The following AP3B2 variants were observed in gnomAD, a reference collection of about 807,000 sequenced individuals.
The protein encoded by AP3B2 is adaptor related protein complex 3 subunit beta 2.
A neutral mutation model predicts 126.9 loss-of-function variants in AP3B2; 50 were observed. The observed-to-expected ratio is 0.39, with a 90% CI of 0.31 to 0.50. The LOEUF (loss-of-function observed/expected upper bound fraction) is 0.50, where lower values mean the gene tolerates loss of function less well. AP3B2 is among the 20% of genes least tolerant of loss of function. The probability of loss-of-function intolerance (pLI) is 0.79; values close to 1 mark genes in which losing one functional copy is unlikely to be tolerated. For missense variants in AP3B2, 1,177 were observed against 1,426.4 expected (o/e 0.83, Z 2.82); for synonymous variants, 541 against 565.0 (o/e 0.96, Z 0.60).
intron 1 of AP3B2, among the ~76,000 whole-genome samples, chr15:82,703,984 C>A (rs1208258704): frequency 6.6e-6 from 1 of 152,192 alleles, no homozygotes; most frequent in Non-Finnish European, 1.5e-5. Flanking sequence ...TCTCCCCACA[C>A]CCAGTCCGGC....
At chr15:82,685,369 G>T (rs1046096249) in intron 4 of AP3B2, 1 of 152,156 alleles carries the variant, frequency 6.6e-6, no homozygotes, top group Non-Finnish European at 1.5e-5. Context: ...ATACAATGAG[G>T]TGTGCCTGTA....
chr15:82,680,360 G>A lies in AP3B2; in HGVS notation c.1055+112C>T. On this transcript the variant is annotated intron_variant, in intron 8 of 26. Coordinates refer to ENST00000535359, the MANE Select transcript of AP3B2 (RefSeq NM_001278512.2). This position sits in a 1 kb window ranked among gnomAD's most constrained non-coding sequence, Gnocchi z 6.1. Reference sequence around the variant, plus strand: ...GGAGGGCAGGACTACGGTCAGTGTGGAGCGGGTGGGCAGAGGTGGAAGCGG... The same window carrying A: ...GGAGGGCAGGACTACGGTCAGTGTGAAGCGGGTGGGCAGAGGTGGAAGCGG... 6.7e-7 allele frequency: 1 copy of A among 1,490,408 alleles called. No individual in the cohort carries two copies. Among genetic ancestry groups the A allele is most frequent in the Non-Finnish European group, 9.0e-7 (1 of 1,109,148 alleles). 92.3% of individuals were successfully genotyped at this position (1,490,408 alleles called of 1,614,324 possible). A position where few individuals can be genotyped will look rare whatever the true frequency, so the allele number is the denominator to read the frequency against.
intron 1 of AP3B2, chr15:82,699,310 G>A: frequency 4.9e-6 from 1 of 203,838 alleles, no homozygotes; most frequent in East Asian, 1.1e-4. Context: ...GCTGTATCCT[G>A]TCCCCAAACC....
At chr15:82,679,249 G>C (rs934913797) in intron 10 of AP3B2, among the ~76,000 whole-genome samples, 2 of 152,114 alleles carry the variant, frequency 1.3e-5, no homozygotes, top group African/African-American at 2.4e-5. Context: ...TCAGCCTCTC[G>C]AGTAGCTGGG....
intron 1 of AP3B2, among the ~76,000 whole-genome samples, chr15:82,695,801 T>C (rs1469667124): frequency 6.6e-6 from 1 of 152,204 alleles, no homozygotes; most frequent in Non-Finnish European, 1.5e-5. Flanking sequence ...ACTTACCACT[T>C]GGAATTGGCA....
At chr15:82,676,801 GTAGACATTTCC>G (rs969831727) in intron 13 of AP3B2, among the ~76,000 whole-genome samples, 164 bp from the exon 14 acceptor site, 17 of 152,266 alleles carry the variant, frequency 1.1e-4, no homozygotes, top group African/African-American at 4.1e-4. Context: ...AGGTTAAAAG[GTAGACATTTCC>G]TAGACAGCAT....
intron 14 of AP3B2, among the ~76,000 whole-genome samples, chr15:82,674,158 A>G (rs1177122672): frequency 6.6e-6 from 1 of 152,162 alleles, no homozygotes; most frequent in Non-Finnish European, 1.5e-5. Flanking sequence ...CCCATGTCCA[A>G]ATTGGAGAGA....
chr15:82,691,654 A>T (rs1424637949), intron 1 of AP3B2: 4 of 1,172,426 alleles, frequency 3.4e-6, no homozygotes, highest in African/African-American at 1.6e-5. Context: ...CTCAATCTGG[A>T]ATGCAGATTC....
intron 21 of AP3B2, 109 bp downstream of exon 21, chr15:82,663,450 TC>T: frequency 7.9e-7 from 1 of 1,273,844 alleles, no homozygotes; most frequent in Non-Finnish European, 1.1e-6. Flanking sequence ...TTCTGTCTGC[TC>T]CCCTGCTCCC....
At position 82,709,806 on chromosome 15, in the gene AP3B2, A is replaced by AGGC. The variant is rs546558894; in HGVS notation, c.-103_-101dup. 6.5e-3 allele frequency: 6,144 copies of AGGC among 950,112 alleles called. 42 individuals are homozygous for AGGC. The highest frequency in any genetic ancestry group is 6.2e-3 in the Non-Finnish European group (4,291 of 692,932). 58.9% of individuals were successfully genotyped at this position (950,112 alleles called of 1,614,324 possible). Reference sequence around the variant, plus strand: ...GGGCCGGTCCGGTCCGGGCTGGCGAAGGCGGCGGCGCGGCAGGGGTTCAGC... The same window carrying AGGC: ...GGGCCGGTCCGGTCCGGGCTGGCGAAGGCGGCGGCGGCGCGGCAGGGGTTCAGC... On this transcript the variant is annotated 5_prime_UTR_variant, in exon 1 of 27. Coordinates refer to ENST00000535359, the MANE Select transcript of AP3B2 (RefSeq NM_001278512.2).
chr15:82,674,846 A>G (rs2048218421), intron 14 of AP3B2, among the ~76,000 whole-genome samples: 1 of 148,072 alleles, frequency 6.8e-6, no homozygotes, highest in African/African-American at 2.5e-5. Context: ...CCACCTACAT[A>G]TATGTTAAAT....
intron 1 of AP3B2, among the ~76,000 whole-genome samples, chr15:82,701,460 A>G: frequency 6.6e-6 from 1 of 152,230 alleles, no homozygotes; most frequent in East Asian, 1.9e-4. Flanking sequence ...ACTTCCTTGA[A>G]CTGAGTGAGG....
intron 1 of AP3B2, among the ~76,000 whole-genome samples, chr15:82,691,077 C>T (rs1458276409): frequency 1.3e-5 from 2 of 152,134 alleles, no homozygotes; most frequent in African/African-American, 4.8e-5. Context: ...CATACGTGTG[C>T]ATGTGTCTTT....
At chr15:82,692,060 ATCT>A (rs1420921112) in intron 1 of AP3B2, 22 of 1,489,514 alleles carry the variant, frequency 1.5e-5, no homozygotes, top group Non-Finnish European at 1.9e-5. Flanking sequence ...CGGAAATCAG[ATCT>A]TCTTGCAGAA....
chr15:82,703,752 C>T (rs2048756187), intron 1 of AP3B2, among the ~76,000 whole-genome samples: 1 of 152,090 alleles, frequency 6.6e-6, no homozygotes, highest in Non-Finnish European at 1.5e-5. Flanking sequence ...CCCAATGCGA[C>T]TCATCCCAAA....
At position 82,665,703 on chromosome 15, in the gene AP3B2, G is replaced by T; in HGVS notation, c.1853-128C>A. On this transcript the variant is annotated intron_variant, in intron 15 of 26. Transcript: ENST00000535359. The surrounding 1 kb of genome is among the most constrained non-coding windows in gnomAD (Gnocchi z 4.4). ...AGGTGGGTAGGGGAAGGAGATGGAT[G>T]TGTGCCCTAATGGCTCTTCCACCCT... 1 of 692,698 alleles carries T rather than the reference G, an allele frequency of 1.4e-6. No individual in the cohort carries two copies. Among genetic ancestry groups the T allele is most frequent in the Non-Finnish European group, 2.5e-6 (1 of 395,944 alleles). 42.9% of individuals were successfully genotyped at this position (692,698 alleles called of 1,614,324 possible).
At chr15:82,671,698 G>A (rs867008948) in intron 14 of AP3B2, among the ~76,000 whole-genome samples, 7 of 149,926 alleles carry the variant, frequency 4.7e-5, no homozygotes, top group Non-Finnish European at 8.9e-5. Context: ...GCAAGATCAC[G>A]CCATTGCACT....
chr15:82,662,285 G>A, intron 23 of AP3B2, 33 bp from the exon 24 acceptor site: 1 of 1,514,474 alleles, frequency 6.6e-7, no homozygotes, highest in Non-Finnish European at 9.0e-7. Context: ...AGGGGAGAGG[G>A]AGGGCCACCA....
intron 1 of AP3B2, among the ~76,000 whole-genome samples, chr15:82,705,436 C>T (rs1368465157): frequency 1.3e-5 from 2 of 152,170 alleles, no homozygotes; most frequent in East Asian, 3.8e-4. Flanking sequence ...GTGCCAAACT[C>T]ATATACTCTC....
Sources: gnomAD v4.1 joint callset for allele counts (sites outside exome capture counted in the v4.1 genomes callset) on GRCh38, gnomAD v4.1.1 for gene constraint, Gnocchi (gnomAD v3.1) non-coding constraint, MANE v1.5 for transcripts, NCBI Gene and HGNC (gene_info 2026-07-23, HGNC 2026-07-21) for gene names.